The following ANKRD11 variants were observed in gnomAD, a reference collection of about 807,000 sequenced individuals.
ANKRD11 encodes ankyrin repeat domain 11, also known as ankyrin repeat domain-containing protein 11.
Under a neutral mutation model 195.7 loss-of-function variants are expected in ANKRD11, and 17 were observed. The ratio of observed to expected loss-of-function variants is 0.09; its 90% CI spans 0.06 to 0.13. The LOEUF (loss-of-function observed/expected upper bound fraction) is 0.13. Ranked by LOEUF, ANKRD11 falls within the 10% of genes least tolerant of loss-of-function variation. The pLI is 1.00. For synonymous variants in ANKRD11, 1,953 were observed against 1,528.1 expected (o/e 1.28, Z -6.49); for missense variants, 3,735 against 3,566.1 (o/e 1.05, Z -1.21).
chr16:89,401,992 G>C (rs1279099775), intron 2 of ANKRD11, among the ~76,000 whole-genome samples: 1 of 150,624 alleles, frequency 6.6e-6, no homozygotes, highest in African/African-American at 2.5e-5. Context: ...AGACAGCTTG[G>C]TCTCAGAGCC....
chr16:89,293,110 C>T (rs2035172038), intron 4 of ANKRD11, among the ~76,000 whole-genome samples: 2 of 152,204 alleles, frequency 1.3e-5, no homozygotes, highest in Admixed American at 1.3e-4. Context: ...AGCTGAGAAC[C>T]TCTGCAGGGC....
At chr16:89,395,454 G>A (rs903784137) in intron 2 of ANKRD11, among the ~76,000 whole-genome samples, 16 of 152,234 alleles carry the variant, frequency 1.1e-4, no homozygotes, top group East Asian at 3.8e-4. Context: ...GCCAGCCCAC[G>A]GCTGGGACAC....
intron 2 of ANKRD11, among the ~76,000 whole-genome samples, chr16:89,382,624 A>G (rs1389773783): frequency 1.3e-5 from 2 of 152,158 alleles, no homozygotes; most frequent in African/African-American, 4.8e-5. Context: ...GGCCTGAGCC[A>G]CCACACTTGG....
At chr16:89,431,677 C>T (rs2042984624) in intron 1 of ANKRD11, among the ~76,000 whole-genome samples, 2 of 152,190 alleles carry the variant, frequency 1.3e-5, no homozygotes, top group African/African-American at 4.8e-5. Context: ...TCAGCCACTG[C>T]AGGGGCACTC....
At chr16:89,443,966 C>A (rs1238327991) in intron 1 of ANKRD11, among the ~76,000 whole-genome samples, 1 of 152,186 alleles carries the variant, frequency 6.6e-6, no homozygotes, top group Non-Finnish European at 1.5e-5. Context: ...AGAGACAAAG[C>A]GGCCTGTCAG....
At position 89,295,441 on chromosome 16, in the gene ANKRD11, G is replaced by A. The variant is rs988875262; in HGVS notation, c.227-4258C>T. 5.9e-5 allele frequency among the ~76,000 whole-genome samples: 9 copies of A among 152,356 alleles called. No individual in the cohort carries two copies. In the East Asian group the frequency reaches 1.4e-3, roughly 23 times the overall value. On this transcript the variant is annotated intron_variant, in intron 4 of 12. Coordinates refer to ENST00000301030, the MANE Select transcript of ANKRD11 (RefSeq NM_013275.6). ...CACATCCACCTCGCCAGCCCTCTGA[G>A]GCTGGCAGCACACCTCACTACCCAG...
intron 2 of ANKRD11, among the ~76,000 whole-genome samples, chr16:89,338,060 T>A (rs2038463766): frequency 6.6e-6 from 1 of 152,196 alleles, no homozygotes; most frequent in East Asian, 1.9e-4. Context: ...AGGACCACTG[T>A]GTCGCGCTCT....
chr16:89,331,296 T>C (rs898625653), intron 2 of ANKRD11, among the ~76,000 whole-genome samples: 4 of 152,234 alleles, frequency 2.6e-5, no homozygotes, highest in Admixed American at 6.5e-5. Flanking sequence ...TGTTTCTTTT[T>C]ACTCTATAAT....
At chr16:89,487,042 T>C (rs1188425792) in intron 1 of ANKRD11, among the ~76,000 whole-genome samples, 1 of 151,904 alleles carries the variant, frequency 6.6e-6, no homozygotes, top group African/African-American at 2.4e-5. Flanking sequence ...AATTTCAAAT[T>C]AAGAGAACAC....
In ANKRD11 at chr16:89,334,144, TAAAAAAAAAAA is replaced by T. The variant is rs869142504; in HGVS notation, c.-59-17077_-59-17067del. ...GGTAACATGATGAAACCCTGTGTTTTAAAAAAAAAAAAAAAAAAAAAAAAAAAAACAGAGAG... is the reference window on the plus strand; with the variant it reads ...GGTAACATGATGAAACCCTGTGTTTTAAAAAAAAAAAAAAAAAACAGAGAG... On this transcript the variant is annotated intron_variant, in intron 2 of 12. Transcript: ENST00000301030. Among the ~76,000 whole-genome samples the T allele has an allele frequency of 2.0e-3, 84 of 41,414 alleles. 2 individuals carry two copies. The highest frequency in any genetic ancestry group is 6.6e-3 in the East Asian group (10 of 1,522). The allele number at this position is 41,414 out of a possible 152,430, so 27.2% of individuals were successfully genotyped here.
intron 2 of ANKRD11, among the ~76,000 whole-genome samples, chr16:89,368,286 C>T (rs1341669442): frequency 6.6e-6 from 1 of 151,706 alleles, no homozygotes; most frequent in Non-Finnish European, 1.5e-5. Context: ...ACCTCCGCCT[C>T]CCAGGTTACA....
Position 89,284,984 on chromosome 16 carries a change from C to G in ANKRD11, c.1558G>C (p.Ala520Pro). The G allele has an allele frequency of 6.2e-7, 1 of 1,614,082 alleles. No individual in the cohort carries two copies. The highest frequency in any genetic ancestry group is 8.5e-7 in the Non-Finnish European group (1 of 1,179,984). ...KDPSLFSSLS[A>P]SSTSSHGSSA... ...CTCCCGTGAGACGAGGTGGAGGAGG[C>G]AGAGAGGGAGCTGAACAGGGAGGGG... Residue 520 changes from alanine (A) to proline (P), a missense_variant, in exon 9 of 13, where the codon GCC (alanine) becomes CCC (proline). By Grantham distance (27) the Ala-to-Pro change is conservative (BLOSUM62 -1). Coordinates refer to ENST00000301030, the MANE Select transcript of ANKRD11 (RefSeq NM_013275.6).
intron 2 of ANKRD11, among the ~76,000 whole-genome samples, chr16:89,380,869 C>T (rs1443264624): frequency 2.0e-5 from 3 of 152,134 alleles, no homozygotes; most frequent in Non-Finnish European, 2.9e-5. Flanking sequence ...CAGGCCTACA[C>T]GGGGCAATGC....
At chr16:89,481,434 G>A (rs2057442212) in intron 1 of ANKRD11, among the ~76,000 whole-genome samples, 1 of 152,152 alleles carries the variant, frequency 6.6e-6, no homozygotes, top group South Asian at 2.1e-4. Context: ...GCGCACGTCT[G>A]TAGTTCTAGC....
chr16:89,394,523 G>A (rs1464807138), intron 2 of ANKRD11, among the ~76,000 whole-genome samples: 1 of 152,100 alleles, frequency 6.6e-6, no homozygotes, highest in Admixed American at 6.5e-5. Flanking sequence ...AGCTACTCGG[G>A]AGGCTGAGGC....
chr16:89,395,366 G>A (rs2041380855), intron 2 of ANKRD11, among the ~76,000 whole-genome samples: 1 of 152,212 alleles, frequency 6.6e-6, no homozygotes, highest in African/African-American at 2.4e-5. Context: ...TTACATAAGA[G>A]CCCAGTCCTG....
chr16:89,381,354 A>AGTG (rs1555560067), intron 2 of ANKRD11, among the ~76,000 whole-genome samples: 27 of 125,346 alleles, frequency 2.2e-4, no homozygotes, highest in Non-Finnish European at 2.9e-4. Flanking sequence ...AAAAAAAAAA[A>AGTG]GGGGTGAGAA....
chr16:89,365,722 T>TA (rs1293529157), intron 2 of ANKRD11, among the ~76,000 whole-genome samples: 3 of 152,182 alleles, frequency 2.0e-5, no homozygotes, highest in Non-Finnish European at 4.4e-5. Flanking sequence ...ACGTTTTTTT[T>TA]AACTTTGTTT....
intron 1 of ANKRD11, chr16:89,443,339 T>C (rs1191761953): frequency 2.6e-5 from 3 of 116,820 alleles, no homozygotes; most frequent in Non-Finnish European, 3.8e-5. Flanking sequence ...GGCCAGCACA[T>C]GTACTAAAAA....
Sources: allele counts gnomAD v4.1 joint callset (sites outside exome capture counted in the v4.1 genomes callset), GRCh38; gene constraint gnomAD v4.1.1; transcripts MANE v1.5; gene names NCBI Gene and HGNC (gene_info 2026-07-23, HGNC 2026-07-21).